NKAIN2: variants seen among roughly 807,000 people sequenced by gnomAD.
NKAIN2 encodes the protein sodium/potassium transporting ATPase interacting 2.
NKAIN2 carries 14 observed loss-of-function variants against 32.6 expected under a neutral mutation model. The ratio of observed to expected loss-of-function variants is 0.43; its 90% confidence interval spans 0.28 to 0.67. NKAIN2 has a LOEUF of 0.67. Ranked by LOEUF, NKAIN2 falls within the 30% of genes least tolerant of loss-of-function variation. The pLI, the probability that NKAIN2 is intolerant of heterozygous loss-of-function variation, is 0.17. For missense variants in NKAIN2, 198 were observed against 258.3 expected (o/e 0.77, Z 1.60); for synonymous variants, 80 against 87.2 (o/e 0.92, Z 0.46).
chr6:124,206,949 A>C (rs1268779646), intron 1 of NKAIN2, among the ~76,000 whole-genome samples: 1 of 151,832 alleles, frequency 6.6e-6, no homozygotes, highest in Non-Finnish European at 1.5e-5. Context: ...CTCCATTAAA[A>C]AGTTTATGAA....
rs140616623 is a variant in NKAIN2 at position 124,188,023 on chromosome 6, T to G, written c.55-94982T>G. Among the ~76,000 whole-genome samples the G allele has an allele frequency of 4.4e-3, 676 of 152,308 alleles. 6 individuals carry two copies. Among genetic ancestry groups the G allele is most frequent in the African/African-American group, 0.016 (647 of 41,568 alleles). ...ATAGATGGTCATTGCTTTCCTTATCTTTCCACCGTAGATCCAGTAGCCTTA... is the reference window on the plus strand; with the variant it reads ...ATAGATGGTCATTGCTTTCCTTATCGTTCCACCGTAGATCCAGTAGCCTTA... On this transcript the variant is annotated intron_variant, in intron 1 of 6. Transcript: ENST00000368417.
At chr6:124,393,342 A>ATTT (rs5879732) in intron 3 of NKAIN2, among the ~76,000 whole-genome samples, 6,000 of 149,064 alleles carry the variant, frequency 0.04, 359 homozygotes, top group African/African-American at 0.14. Context: ...CACTTATAGA[A>ATTT]TTTTTTTTTT....
chr6:124,327,431 A>G (rs936090010), intron 2 of NKAIN2, among the ~76,000 whole-genome samples: 1 of 152,064 alleles, frequency 6.6e-6, no homozygotes, highest in Non-Finnish European at 1.5e-5. Flanking sequence ...TAATCATATA[A>G]TCTATAAATA....
At chr6:124,346,278 TGTG>T in intron 2 of NKAIN2, among the ~76,000 whole-genome samples, 1 of 152,112 alleles carries the variant, frequency 6.6e-6, no homozygotes, top group Non-Finnish European at 1.5e-5. Flanking sequence ...TTGGAATAGG[TGTG>T]GTGTGGTGCT....
At chr6:123,863,808 TC>T (rs1451175660) in intron 1 of NKAIN2, among the ~76,000 whole-genome samples, 1 of 152,196 alleles carries the variant, frequency 6.6e-6, no homozygotes, top group Non-Finnish European at 1.5e-5. Context: ...TCCTCTCCTG[TC>T]CACTTTGACC....
chr6:124,182,422 T>A (rs1789490600), intron 1 of NKAIN2, among the ~76,000 whole-genome samples: 1 of 152,236 alleles, frequency 6.6e-6, no homozygotes, highest in African/African-American at 2.4e-5. Context: ...TAATTGTTAC[T>A]ATATTGTACC....
intron 3 of NKAIN2, among the ~76,000 whole-genome samples, chr6:124,496,492 G>C (rs1227935130): frequency 1.3e-5 from 2 of 152,152 alleles, no homozygotes; most frequent in African/African-American, 4.8e-5. Context: ...TAAATTGCAA[G>C]GTAGAGAGGC....
At chr6:124,383,317 AT>A (rs1772730106) in intron 3 of NKAIN2, among the ~76,000 whole-genome samples, 2 of 152,094 alleles carry the variant, frequency 1.3e-5, no homozygotes, top group South Asian at 2.1e-4. Context: ...TCTCCAATCC[AT>A]TTTTTTGACA....
chr6:124,156,736 G>A (rs1202655782), intron 1 of NKAIN2, among the ~76,000 whole-genome samples: 1 of 152,076 alleles, frequency 6.6e-6, no homozygotes, highest in Non-Finnish European at 1.5e-5. Flanking sequence ...CAACTGCCTT[G>A]TGGAGAATGG....
At chr6:124,482,328 C>G (rs1337949844) in intron 3 of NKAIN2, among the ~76,000 whole-genome samples, 1 of 152,104 alleles carries the variant, frequency 6.6e-6, no homozygotes, top group African/African-American at 2.4e-5. Context: ...AGTTTGGCCC[C>G]ATGTGTTTCT....
intron 3 of NKAIN2, among the ~76,000 whole-genome samples, chr6:124,419,121 T>C (rs562485854): frequency 1.3e-5 from 2 of 152,292 alleles, no homozygotes; most frequent in African/African-American, 4.8e-5. Context: ...CTTCTAAGCA[T>C]CTGGGCCTCA....
At chr6:124,364,392 G>T (rs564345926) in intron 3 of NKAIN2, among the ~76,000 whole-genome samples, 6 of 152,036 alleles carry the variant, frequency 3.9e-5, no homozygotes, top group East Asian at 1.9e-4. Flanking sequence ...AAATTAATTA[G>T]TAACATCAAC....
chr6:124,410,128 T>C (rs1209944280), intron 3 of NKAIN2, among the ~76,000 whole-genome samples: 1 of 152,186 alleles, frequency 6.6e-6, no homozygotes. Flanking sequence ...ATTTTGTTGA[T>C]CTTTTCAAAA....
intron 2 of NKAIN2, among the ~76,000 whole-genome samples, chr6:124,344,817 C>A (rs1317002013): frequency 6.6e-6 from 1 of 152,068 alleles, no homozygotes; most frequent in Non-Finnish European, 1.5e-5. Flanking sequence ...AACTGAATAC[C>A]CTTTATTTCC....
intron 5 of NKAIN2, among the ~76,000 whole-genome samples, chr6:124,806,051 T>A (rs1477678556): frequency 6.6e-6 from 1 of 151,942 alleles, no homozygotes; most frequent in South Asian, 2.1e-4. Context: ...CGGAACCAAG[T>A]TGGAAAACAT....
At chr6:124,605,923 AG>A (rs1211756892) in intron 3 of NKAIN2, among the ~76,000 whole-genome samples, 1 of 152,032 alleles carries the variant, frequency 6.6e-6, no homozygotes, top group African/African-American at 2.4e-5. Context: ...AGAGAGCGCA[AG>A]GCCACCTGTG....
At chr6:124,489,354 T>G (rs367698757) in intron 3 of NKAIN2, among the ~76,000 whole-genome samples, 18 of 152,052 alleles carry the variant, frequency 1.2e-4, no homozygotes, top group African/African-American at 4.3e-4. Context: ...CAAATGTTTA[T>G]CACCTTCAAG....
At chr6:123,897,000 G>C (rs1318452633) in intron 1 of NKAIN2, among the ~76,000 whole-genome samples, 1 of 152,068 alleles carries the variant, frequency 6.6e-6, no homozygotes, top group East Asian at 1.9e-4. Context: ...CACCCTACTT[G>C]ACTCAGTAGG....
At chr6:124,147,656 A>G (rs1484180527) in intron 1 of NKAIN2, among the ~76,000 whole-genome samples, 1 of 152,156 alleles carries the variant, frequency 6.6e-6, no homozygotes, top group Non-Finnish European at 1.5e-5. Context: ...TGAATTTGTC[A>G]AAGAAAAATG....
Sources: allele counts gnomAD v4.1 joint callset (sites outside exome capture counted in the v4.1 genomes callset), GRCh38; gene constraint gnomAD v4.1.1; transcripts MANE v1.5; gene names NCBI Gene and HGNC (gene_info 2026-07-23, HGNC 2026-07-21).